The following BTF3L4 variants were observed in gnomAD, a reference collection of about 807,000 sequenced individuals.
BTF3L4 encodes transcription factor BTF3 homolog 4.
A neutral mutation model predicts 16.8 loss-of-function variants in BTF3L4; 6 were observed. The observed-to-expected ratio is 0.36, with a 90% confidence interval of 0.20 to 0.71. BTF3L4 has a LOEUF of 0.71. Among genes scored for constraint, BTF3L4 ranks in the 30% least tolerant of loss-of-function variants. BTF3L4 has a pLI of 0.58. For missense variants in BTF3L4, 92 were observed against 186.9 expected, an observed-to-expected ratio of 0.49 and a Z score of 2.96; for synonymous variants, 39 against 59.8, an observed-to-expected ratio of 0.65 and a Z score of 1.60.
At chr1:52,081,074 G>A (rs542707519) in intron 3 of BTF3L4, among the ~76,000 whole-genome samples, 5 of 151,770 alleles carry the variant, frequency 3.3e-5, no homozygotes, top group African/African-American at 7.2e-5. Context: ...TCCTGACCTC[G>A]TGATCCACCC....
At chr1:52,067,754 C>A (rs1686691150) in intron 3 of BTF3L4, among the ~76,000 whole-genome samples, 1 of 152,138 alleles carries the variant, frequency 6.6e-6, no homozygotes, top group Non-Finnish European at 1.5e-5. Flanking sequence ...TACCTTTCTA[C>A]CCTTCAACTC....
chr1:52,066,635 G>A (rs1461346204), intron 3 of BTF3L4, among the ~76,000 whole-genome samples: 3 of 150,818 alleles, frequency 2.0e-5, no homozygotes, highest in East Asian at 2.0e-4. Flanking sequence ...CGAGGTCAGG[G>A]GATCGAGACC....
chr1:52,057,322 A>G (rs912310425), intron 1 of BTF3L4, among the ~76,000 whole-genome samples: 1 of 152,258 alleles, frequency 6.6e-6, no homozygotes, highest in African/African-American at 2.4e-5. Context: ...CTTAATAAAT[A>G]TAAACCTGTT....
At chr1:52,075,661 AT>A (rs1443736526) in intron 3 of BTF3L4, among the ~76,000 whole-genome samples, 1 of 148,762 alleles carries the variant, frequency 6.7e-6, no homozygotes. Flanking sequence ...ATATATGTAT[AT>A]TTTTATATAT....
At chr1:52,075,702 T>C (rs1213941163) in intron 3 of BTF3L4, among the ~76,000 whole-genome samples, 1 of 151,470 alleles carries the variant, frequency 6.6e-6, no homozygotes, top group South Asian at 2.1e-4. Context: ...ACTCTCTTGT[T>C]GCCCAGGCTG....
intron 2 of BTF3L4, among the ~76,000 whole-genome samples, chr1:52,063,396 T>C (rs1686568493): frequency 6.6e-6 from 1 of 152,164 alleles, no homozygotes; most frequent in African/African-American, 2.4e-5. Flanking sequence ...TGAGTGCCTA[T>C]GTAAATAGTC....
At chr1:52,081,703 T>C (rs1218690088) in intron 3 of BTF3L4, among the ~76,000 whole-genome samples, 1 of 152,224 alleles carries the variant, frequency 6.6e-6, no homozygotes, top group Non-Finnish European at 1.5e-5. Flanking sequence ...CTGGGTTGAA[T>C]GCTTGTGTGT....
chr1:52,083,051 T>TA (rs571139287), intron 3 of BTF3L4, among the ~76,000 whole-genome samples: 4 of 152,284 alleles, frequency 2.6e-5, no homozygotes, highest in South Asian at 2.1e-4. Context: ...TTCCATTTTT[T>TA]AAAAAAACAT....
chr1:52,079,860 T>C (rs2124441188), intron 3 of BTF3L4, among the ~76,000 whole-genome samples: 1 of 135,264 alleles, frequency 7.4e-6, no homozygotes, highest in East Asian at 2.1e-4. Flanking sequence ...AATTTTCTTT[T>C]TCTTTTCTTT....
At chr1:52,075,655 A>G (rs1019935238) in intron 3 of BTF3L4, among the ~76,000 whole-genome samples, 2 of 148,428 alleles carry the variant, frequency 1.3e-5, no homozygotes, top group South Asian at 2.1e-4. Context: ...AATAAAATAT[A>G]TGTATATTTT....
At chr1:52,062,127 C>T (rs965364351) in intron 2 of BTF3L4, among the ~76,000 whole-genome samples, 11 of 149,856 alleles carry the variant, frequency 7.3e-5, no homozygotes, top group Non-Finnish European at 1.3e-4. Context: ...TTTCAGTAGA[C>T]ACAGAGTTTC....
At chr1:52,062,631 G>T (rs1479833544) in intron 2 of BTF3L4, among the ~76,000 whole-genome samples, 1 of 152,126 alleles carries the variant, frequency 6.6e-6, no homozygotes, top group Non-Finnish European at 1.5e-5. Flanking sequence ...TAGGCAGTGG[G>T]CAACTATTAA....
intron 2 of BTF3L4, chr1:52,060,529 G>T: frequency 8.1e-7 from 1 of 1,240,424 alleles, no homozygotes; most frequent in Non-Finnish European, 1.0e-6. Context: ...AACTAGTTGT[G>T]AGCAACTGAA....
At chr1:52,062,813 A>G (rs920292066) in intron 2 of BTF3L4, among the ~76,000 whole-genome samples, 1 of 152,224 alleles carries the variant, frequency 6.6e-6, no homozygotes, top group South Asian at 2.1e-4. Flanking sequence ...CGTGGAAGAC[A>G]GTTTTTCCAC....
intron 2 of BTF3L4, 98 bp downstream of exon 2, chr1:52,059,999 A>C: frequency 8.5e-7 from 1 of 1,174,800 alleles, no homozygotes. Context: ...AAATCTTTTC[A>C]ATAATCAAGA....
At position 52,090,044 on chromosome 1, in the gene BTF3L4, A is replaced by G. The variant is rs1644005269; in HGVS notation, c.*3286A>G. 1 of 152,202 alleles carries G rather than the reference A, an allele frequency of 6.6e-6. No homozygotes were observed. Among genetic ancestry groups the G allele is most frequent in the Admixed American group, 6.5e-5 (1 of 15,276 alleles). 9.4% of individuals were successfully genotyped at this position (152,202 alleles called of 1,614,324 possible). ...TAGTGGGAAAAGCACAAGTTTTTAG[A>G]TAGAGATCAATTCTGCTATCTACCC... On this transcript the variant is annotated 3_prime_UTR_variant, in exon 6 of 6. Transcript: ENST00000313334.
intron 3 of BTF3L4, among the ~76,000 whole-genome samples, chr1:52,079,986 C>G (rs182974395): frequency 6.6e-6 from 1 of 151,798 alleles, no homozygotes; most frequent in Non-Finnish European, 1.5e-5. Context: ...ATTCTCCTGC[C>G]TCAGCCTCCC....
intron 3 of BTF3L4, among the ~76,000 whole-genome samples, chr1:52,077,935 A>G (rs1393190607): frequency 1.3e-5 from 2 of 152,200 alleles, no homozygotes; most frequent in Non-Finnish European, 1.5e-5. Context: ...GGTCAAAACT[A>G]TAGGAAAAGT....
rs892423230 is a variant in BTF3L4 at position 52,089,321 on chromosome 1, A to T, written c.*2563A>T. ...TTAATGGCTGGCCTCTCTTGTGTAC[A>T]ATGAGCCAATATTCTTTTTTGTTCT... On this transcript the variant is annotated 3_prime_UTR_variant, in exon 6 of 6. Coordinates refer to ENST00000313334, the MANE Select transcript of BTF3L4 (RefSeq NM_152265.5). The T allele has an allele frequency of 6.6e-6, 1 of 152,116 alleles. No homozygotes were observed. Among genetic ancestry groups the T allele is most frequent in the Non-Finnish European group, 1.5e-5 (1 of 68,012 alleles). The allele number at this position is 152,116 out of a possible 1,614,324, so 9.4% of individuals were successfully genotyped here.
Sources: gnomAD v4.1 joint callset for allele counts (sites outside exome capture counted in the v4.1 genomes callset) on GRCh38, gnomAD v4.1.1 for gene constraint, MANE v1.5 for transcripts, NCBI Gene and HGNC (gene_info 2026-07-23, HGNC 2026-07-21) for gene names.